Variants in DOCK8 observed in about 807,000 individuals in gnomAD.
DOCK8 encodes dedicator of cytokinesis 8, also known as dedicator of cytokinesis protein 8.
DOCK8 carries 141 observed loss-of-function variants against 245.6 expected under a neutral mutation model. The observed-to-expected ratio is 0.57, with a 90% CI of 0.50 to 0.66. The LOEUF (loss-of-function observed/expected upper bound fraction) is 0.66. DOCK8 is among the 30% of genes least tolerant of loss of function. DOCK8 has a pLI of 0.00. For synonymous variants in DOCK8, 1,168 were observed against 970.2 expected (o/e 1.20, Z -3.79); for missense variants, 2,965 against 2,603.4 (o/e 1.14, Z -3.02).
At chr9:217,908 A>G (rs141509947) in intron 1 of DOCK8, among the ~76,000 whole-genome samples, 1 of 152,178 alleles carries the variant, frequency 6.6e-6, no homozygotes, top group East Asian at 1.9e-4. Context: ...TGCTCCAAAG[A>G]CTGTGCTCTT....
At chr9:391,263 C>T (rs1363038263) in intron 24 of DOCK8, among the ~76,000 whole-genome samples, 2 of 152,186 alleles carry the variant, frequency 1.3e-5, no homozygotes, top group Non-Finnish European at 2.9e-5. Flanking sequence ...TGTAATATAT[C>T]TTCCTCTATT....
chr9:307,486 G>A (rs968744565), intron 5 of DOCK8, among the ~76,000 whole-genome samples: 15 of 151,576 alleles, frequency 9.9e-5, no homozygotes, highest in African/African-American at 3.6e-4. Context: ...AGCCTCCCGA[G>A]TAGCTGGGAT....
chr9:297,008 T>C (rs2049286097), intron 4 of DOCK8, among the ~76,000 whole-genome samples: 1 of 152,134 alleles, frequency 6.6e-6, no homozygotes, highest in Non-Finnish European at 1.5e-5. Flanking sequence ...CAACTTCCTA[T>C]TCTGGACCTC....
rs547652880 is a variant in DOCK8, at chr9:333,367, C to T, written c.1126-858C>T. Among the ~76,000 whole-genome samples the T allele has an allele frequency of 2.4e-3, 371 of 152,220 alleles. 5 individuals carry two copies. The highest frequency in any genetic ancestry group is 8.1e-3 in the African/African-American group (336 of 41,540). The stretch of plus-strand genomic sequence containing the variant: ...CTGTAATCCCAGCACTTTGGGAGGC[C>T]AAGGCGGGCAGATCATGAGGTCAGA... On this transcript the variant is annotated intron_variant, in intron 10 of 47. Transcript: ENST00000432829.
rs532974165 is a variant in DOCK8 at position 316,997 on chromosome 9, C to A, written c.742-46C>A. ...CCTGGGTTAACTCTAATTGGAGCTC[C>A]CCACAGAATTCACTAATGATTTCCT... On this transcript the variant is annotated intron_variant, in intron 6 of 47. Transcript: ENST00000432829. The A allele has an allele frequency of 2.7e-6, 4 of 1,466,244 alleles. No homozygotes were observed. The African/African-American group carries it at 5.6e-5, about 20-fold the overall frequency. 90.8% of individuals were successfully genotyped at this position (1,466,244 alleles called of 1,614,324 possible).
intron 2 of DOCK8, chr9:273,171 G>C: frequency 1.1e-6 from 1 of 890,228 alleles, no homozygotes; most frequent in South Asian, 5.6e-5. Flanking sequence ...TAATGAAATA[G>C]TAGTACGAAA....
intron 22 of DOCK8, among the ~76,000 whole-genome samples, chr9:386,080 T>C (rs989366692): frequency 6.6e-6 from 1 of 152,186 alleles, no homozygotes; most frequent in Non-Finnish European, 1.5e-5. Flanking sequence ...GCAGCCCAGA[T>C]TCTTAAATAG....
At chr9:218,303 T>C (rs532983624) in intron 1 of DOCK8, among the ~76,000 whole-genome samples, 1 of 152,216 alleles carries the variant, frequency 6.6e-6, no homozygotes, top group Non-Finnish European at 1.5e-5. Context: ...AGTATTCAAA[T>C]CTGATATATT....
At chr9:421,142 T>C in intron 32 of DOCK8, 64 bp downstream of exon 32, 1 of 1,587,524 alleles carries the variant, frequency 6.3e-7, no homozygotes, top group Non-Finnish European at 8.6e-7. Context: ...TGGGGAGGAA[T>C]GTCCTCCCAA....
At chr9:212,944 C>T (rs1473770123), upstream of DOCK8, 2 of 152,176 alleles carry the variant, frequency 1.3e-5, no homozygotes, top group African/African-American at 4.8e-5. Context: ...ACATGGTACA[C>T]CGTGGACCGA....
At chr9:224,104 A>G (rs2131347876) in intron 1 of DOCK8, among the ~76,000 whole-genome samples, 1 of 152,322 alleles carries the variant, frequency 6.6e-6, no homozygotes, top group Non-Finnish European at 1.5e-5. Context: ...TGAGTTCAGA[A>G]AGACAGCTTT....
chr9:298,287 C>T (rs113804315), intron 4 of DOCK8, among the ~76,000 whole-genome samples: 19 of 152,144 alleles, frequency 1.2e-4, no homozygotes, highest in African/African-American at 4.3e-4. Context: ...TAGCTGGGTA[C>T]GGTGGCGCAT....
intron 26 of DOCK8, among the ~76,000 whole-genome samples, chr9:401,771 A>C (rs533560239): frequency 6.6e-6 from 1 of 152,156 alleles, no homozygotes; most frequent in Admixed American, 6.6e-5. Context: ...AGAAAAAGAC[A>C]TGACTTTTCT....
At chr9:315,814 T>G (rs953399403) in intron 6 of DOCK8, among the ~76,000 whole-genome samples, 5 of 152,188 alleles carry the variant, frequency 3.3e-5, no homozygotes, top group Non-Finnish European at 5.9e-5. Context: ...TAAAAGGATT[T>G]CAAAAATTAG....
chr9:396,881 A>G lies in DOCK8; in HGVS notation c.3067A>G (p.Ile1023Val), dbSNP rs140148619. 4.1e-4 allele frequency: 654 copies of G among 1,614,086 alleles called. No homozygotes were observed. Among genetic ancestry groups the G allele is most frequent in the Non-Finnish European group, 5.2e-4 (613 of 1,180,000 alleles). ...SDRFMDDITTIVNVVTSEIAA... is the reference protein window; with the variant it reads ...SDRFMDDITTVVNVVTSEIAA... ...CCGTTTCATGGATGACATAACTACT[A>G]TTGTTAATGTGGTCACCTCGGAAAT... Residue 1023 changes from isoleucine (I) to valine (V), a missense_variant, in exon 25 of 48, where the codon ATT becomes GTT. Physicochemically the swap from Ile to Val is conservative, Grantham distance 29. Transcript: ENST00000432829.
intron 1 of DOCK8, among the ~76,000 whole-genome samples, chr9:255,699 C>T (rs1275495791): frequency 7.1e-6 from 1 of 141,450 alleles, no homozygotes; most frequent in East Asian, 2.2e-4. Context: ...AAAAACAGCT[C>T]AAATAACTTT....
At chr9:303,263 A>G (rs916620787) in intron 4 of DOCK8, among the ~76,000 whole-genome samples, 2 of 152,240 alleles carry the variant, frequency 1.3e-5, no homozygotes, top group African/African-American at 2.4e-5. Context: ...ACTACCATTC[A>G]ACCCAGCAAT....
chr9:342,158 C>A (rs2051630147), intron 14 of DOCK8, among the ~76,000 whole-genome samples: 1 of 152,116 alleles, frequency 6.6e-6, no homozygotes, highest in Non-Finnish European at 1.5e-5. Flanking sequence ...CCCCTGCCCC[C>A]CGCTGCCACC....
rs140964055 is a variant in DOCK8 at position 335,073 on chromosome 9, C to G, written c.1285+689C>G. Among the ~76,000 whole-genome samples the G allele has an allele frequency of 2.7e-4, 41 of 152,040 alleles. No individual in the cohort carries two copies. The East Asian group carries it at 4.1e-3, about 15-fold the overall frequency. On this transcript the variant is annotated intron_variant, in intron 11 of 47. Coordinates refer to ENST00000432829, the MANE Select transcript of DOCK8 (RefSeq NM_203447.4). ...CTCCAGCCTGGGCAACAGAGCATGA[C>G]TTTGTCTCAAAAAAAAAGAAAAAAG...
Sources: gnomAD v4.1 joint callset for allele counts (sites outside exome capture counted in the v4.1 genomes callset) on GRCh38, gnomAD v4.1.1 for gene constraint, MANE v1.5 for transcripts, NCBI Gene and HGNC (gene_info 2026-07-23, HGNC 2026-07-21) for gene names.